PCDHAC2: variants seen among roughly 807,000 people sequenced by gnomAD.
PCDHAC2 encodes the protein protocadherin alpha subfamily C, 2, also known as protocadherin alpha-C2.
Under a neutral mutation model 63.3 loss-of-function variants are expected in PCDHAC2, and 24 were observed. The ratio of observed to expected loss-of-function variants is 0.38; its 90% CI spans 0.27 to 0.53. The LOEUF is 0.53. Among genes scored for constraint, PCDHAC2 ranks in the 20% least tolerant of loss-of-function variants. The probability of loss-of-function intolerance (pLI) is 0.81; values close to 1 mark genes in which losing one functional copy is unlikely to be tolerated. For missense variants in PCDHAC2, 1,181 were observed against 1,275.2 expected (o/e 0.93, Z 1.12); for synonymous variants, 569 against 529.4 (o/e 1.07, Z -1.03).
intron 1 of PCDHAC2, among the ~76,000 whole-genome samples, chr5:140,976,370 G>A (rs1392898202): frequency 6.6e-6 from 1 of 152,018 alleles, no homozygotes; most frequent in Non-Finnish European, 1.5e-5. Context: ...GGCCAACATG[G>A]TGAAACCCCA....
rs1219444085 is a variant in PCDHAC2 at position 141,010,861 on chromosome 5, A to G, written c.*924A>G. On this transcript the variant is annotated 3_prime_UTR_variant, in exon 4 of 4. Coordinates refer to ENST00000289269, the MANE Select transcript of PCDHAC2 (RefSeq NM_018899.6). ...ATTTATTTAAAAAAAGAGAAAGTCTATAGCTATAAATCTTTAAAGAGAAAT... is the reference window on the plus strand; with the variant it reads ...ATTTATTTAAAAAAAGAGAAAGTCTGTAGCTATAAATCTTTAAAGAGAAAT... 9.1e-5 allele frequency: 14 copies of G among 153,794 alleles called. No individual in the cohort carries two copies. Among genetic ancestry groups the G allele is most frequent in the African/African-American group, 3.1e-4 (13 of 41,468 alleles). 9.5% of individuals were successfully genotyped at this position (153,794 alleles called of 1,614,324 possible).
chr5:140,968,089 C>T lies in PCDHAC2; in HGVS notation c.1323C>T (p.Ala441=), dbSNP rs546330069. ...RVAVYNITVT[A]TDGGIPQLTS... ...CTGTCTACAACATCACGGTGACAGC[C>T]ACAGATGGGGGAATACCGCAGCTCA... The change falls in exon 1 of 4, where the codon GCC becomes GCT. Residue 441 remains alanine (A), a synonymous_variant. Transcript: ENST00000289269. 120 of 1,614,126 alleles carry T rather than the reference C, an allele frequency of 7.4e-5. 1 individual carries two copies. The South Asian group carries it at 1.2e-3, about 16-fold the overall frequency.
At chr5:140,979,843 A>G (rs1373380351) in intron 2 of PCDHAC2, among the ~76,000 whole-genome samples, 1 of 152,246 alleles carries the variant, frequency 6.6e-6, no homozygotes, top group African/African-American at 2.4e-5. Context: ...TAATCTTCAA[A>G]CTTAAGCCCC....
At position 140,966,547 on chromosome 5, in the gene PCDHAC2, G is replaced by A. The variant is rs2096020137; in HGVS notation, c.-220G>A. The stretch of plus-strand genomic sequence containing the variant: ...GAGCCGGGTTGAGCGACTCGGAGGC[G>A]AGCGGAGGAGCTGGAATATGGGGAG... On this transcript the variant is annotated 5_prime_UTR_variant, in exon 1 of 4. Coordinates refer to ENST00000289269, the MANE Select transcript of PCDHAC2 (RefSeq NM_018899.6). 2.1e-6 allele frequency: 1 copy of A among 467,502 alleles called. No individual in the cohort carries two copies. The highest frequency in any genetic ancestry group is 3.6e-6 in the Non-Finnish European group (1 of 274,010). 29.0% of individuals were successfully genotyped at this position (467,502 alleles called of 1,614,324 possible).
intron 3 of PCDHAC2, among the ~76,000 whole-genome samples, chr5:140,999,965 T>C (rs1439660759): frequency 1.3e-5 from 2 of 151,684 alleles, no homozygotes; most frequent in African/African-American, 4.8e-5. Flanking sequence ...TACCCAGGAG[T>C]AGCAGCTCTA....
chr5:140,971,401 G>A (rs2096476846), intron 1 of PCDHAC2, among the ~76,000 whole-genome samples: 1 of 152,164 alleles, frequency 6.6e-6, no homozygotes, highest in Admixed American at 6.5e-5. Context: ...ATTTCTGCCA[G>A]GCACTTTTGG....
intron 3 of PCDHAC2, among the ~76,000 whole-genome samples, chr5:141,002,021 C>T (rs1177146388): frequency 6.6e-6 from 1 of 152,184 alleles, no homozygotes; most frequent in Non-Finnish European, 1.5e-5. Context: ...GCACAGCCTT[C>T]GGTGCCCTGA....
chr5:140,979,585 G>T (rs1486792990), intron 2 of PCDHAC2, among the ~76,000 whole-genome samples: 1 of 152,156 alleles, frequency 6.6e-6, no homozygotes, highest in Non-Finnish European at 1.5e-5. Context: ...TCCAAATCTA[G>T]CTTACTTTAA....
rs369541654 is a variant in PCDHAC2 at position 141,010,673 on chromosome 5, A to G, written c.*736A>G. On this transcript the variant is annotated 3_prime_UTR_variant, in exon 4 of 4. Coordinates refer to ENST00000289269, the MANE Select transcript of PCDHAC2 (RefSeq NM_018899.6). ...TTTTAACAGAGAACCACCCTGGGAAACAGAAGCAGATCTGATGTGTTTCCT... is the reference window on the plus strand; with the variant it reads ...TTTTAACAGAGAACCACCCTGGGAAGCAGAAGCAGATCTGATGTGTTTCCT... 8.1e-4 allele frequency: 133 copies of G among 163,824 alleles called. No individual in the cohort carries two copies. Among genetic ancestry groups the G allele is most frequent in the Non-Finnish European group, 5.5e-4 (41 of 74,388 alleles). 10.1% of individuals were successfully genotyped at this position (163,824 alleles called of 1,614,324 possible). A position where few individuals can be genotyped will look rare whatever the true frequency, so the allele number is the denominator to read the frequency against.
At chr5:140,991,277 C>G (rs1210642530) in intron 3 of PCDHAC2, among the ~76,000 whole-genome samples, 1 of 152,148 alleles carries the variant, frequency 6.6e-6, no homozygotes, top group African/African-American at 2.4e-5. Flanking sequence ...CTGCTGAACT[C>G]TATACACTTA....
chr5:140,967,135 G>A lies in PCDHAC2; in HGVS notation c.369G>A (p.Val123=). The A allele has an allele frequency of 6.2e-7, 1 of 1,611,752 alleles. No individual in the cohort carries two copies. The highest frequency in any genetic ancestry group is 1.1e-5 in the South Asian group (1 of 91,016). The part of the protein sequence containing the change: ...QRPRCLLSLE[V]LAHNPVAVSA... ...CTCGCTGCCTGCTCAGCTTGGAAGTGCTGGCGCACAACCCCGTGGCGGTGA... is the reference window on the plus strand; with the variant it reads ...CTCGCTGCCTGCTCAGCTTGGAAGTACTGGCGCACAACCCCGTGGCGGTGA... Residue 123 remains valine, a synonymous_variant, in exon 1 of 4, where the codon GTG becomes GTA. Transcript: ENST00000289269.
intron 3 of PCDHAC2, among the ~76,000 whole-genome samples, chr5:141,007,395 CAAAAAAA>C (rs35800918): frequency 2.2e-3 from 204 of 94,846 alleles, no homozygotes; most frequent in African/African-American, 7.3e-3. Flanking sequence ...TACTAAAATA[CAAAAAAA>C]AAAAAAAAAA....
In PCDHAC2 at chr5:140,969,148, G is replaced by T; in HGVS notation, c.2382G>T (p.Lys794Asn). 1 of 1,614,102 alleles carries T rather than the reference G, an allele frequency of 6.2e-7. No homozygotes were observed. ...NGSLTKTYCY[K>N]ACLTAGSGSD... ...CCCTCACCAAGACCTACTGCTACAAGGCCTGTCTGACAGCAGGCTCAGGGA... is the reference window on the plus strand; with the variant it reads ...CCCTCACCAAGACCTACTGCTACAATGCCTGTCTGACAGCAGGCTCAGGGA... Residue 794 changes from lysine (K) to asparagine (N), a missense_variant, in exon 1 of 4, where the codon AAG becomes AAT. By Grantham distance (94) the Lys-to-Asn change is moderately conservative (BLOSUM62 0). This residue lies in a region of PCDHAC2 where 968 missense variants were observed against 1,073.5 expected (regional missense o/e 0.90). Transcript: ENST00000289269.
chr5:141,000,422 T>TATATA (rs1491457105), intron 3 of PCDHAC2, among the ~76,000 whole-genome samples: 1 of 51,852 alleles, frequency 1.9e-5, no homozygotes, highest in Non-Finnish European at 3.5e-5. Flanking sequence ...TATATATATA[T>TATATA]TTTTTTTTTT....
At chr5:140,985,065 G>A (rs189493508) in intron 3 of PCDHAC2, among the ~76,000 whole-genome samples, 45 of 152,190 alleles carry the variant, frequency 3.0e-4, no homozygotes, top group Admixed American at 5.2e-4. Context: ...AGCCTCCTGA[G>A]TAGCTGAGAC....
At chr5:140,986,213 C>T (rs1554247816) in intron 3 of PCDHAC2, among the ~76,000 whole-genome samples, 2 of 152,208 alleles carry the variant, frequency 1.3e-5, no homozygotes, top group Non-Finnish European at 2.9e-5. Context: ...TTACTGGCCC[C>T]TTTCTCTAGC....
At chr5:141,008,238 G>A (rs2098366224) in intron 3 of PCDHAC2, among the ~76,000 whole-genome samples, 1 of 152,046 alleles carries the variant, frequency 6.6e-6, no homozygotes, top group Admixed American at 6.6e-5. Context: ...TACTGCTCAG[G>A]GACACCAAAT....
chr5:141,002,649 T>C (rs2098089134), intron 3 of PCDHAC2, among the ~76,000 whole-genome samples: 2 of 152,214 alleles, frequency 1.3e-5, no homozygotes, highest in South Asian at 2.1e-4. Context: ...GTCTACTTCA[T>C]AGGGCTCTTG....
chr5:140,999,505 A>C (rs1221080631), intron 3 of PCDHAC2, among the ~76,000 whole-genome samples: 3 of 152,134 alleles, frequency 2.0e-5, no homozygotes, highest in African/African-American at 7.2e-5. Flanking sequence ...AAGAACCTAC[A>C]TTTTAAGCAT....
Sources: gnomAD v4.1 joint callset for allele counts (sites outside exome capture counted in the v4.1 genomes callset) on GRCh38, gnomAD v4.1.1 for gene constraint, gnomAD v4.1.1 regional missense constraint, MANE v1.5 for transcripts, NCBI Gene and HGNC (gene_info 2026-07-23, HGNC 2026-07-21) for gene names.